Variants in WWC1 observed in about 807,000 individuals in gnomAD.
The protein encoded by WWC1 is WW and C2 domain containing 1, also known as protein KIBRA.
Under a neutral mutation model 138.4 loss-of-function variants are expected in WWC1, and 55 were observed. That is an observed-to-expected ratio of 0.40 (90% CI 0.32 to 0.50). The LOEUF (loss-of-function observed/expected upper bound fraction) is 0.50, where lower values mean the gene tolerates loss of function less well. Among genes scored for constraint, WWC1 ranks in the 20% least tolerant of loss-of-function variants. The pLI is 0.72. For synonymous variants in WWC1, 524 were observed against 564.9 expected, an observed-to-expected ratio of 0.93 and a Z score of 1.03; for missense variants, 1,226 against 1,420.4, an observed-to-expected ratio of 0.86 and a Z score of 2.20.
chr5:168,348,822 C>G (rs1302545812), intron 1 of WWC1, among the ~76,000 whole-genome samples: 1 of 152,088 alleles, frequency 6.6e-6, no homozygotes, highest in Non-Finnish European at 1.5e-5. Context: ...AGCCTGGGAT[C>G]TTTGCTTGAG....
At chr5:168,400,425 AC>A (rs1669691813) in intron 5 of WWC1, among the ~76,000 whole-genome samples, 1 of 152,212 alleles carries the variant, frequency 6.6e-6, no homozygotes, top group Non-Finnish European at 1.5e-5. Flanking sequence ...AAGTGAGAAC[AC>A]GCAGTAGCTT....
chr5:168,305,941 AT>A (rs1770521193), intron 1 of WWC1, among the ~76,000 whole-genome samples: 1 of 152,194 alleles, frequency 6.6e-6, no homozygotes, highest in Admixed American at 6.5e-5. Context: ...CCTTACAAAC[AT>A]TTGTAGAGTT....
intron 1 of WWC1, among the ~76,000 whole-genome samples, chr5:168,329,169 A>G (rs1772825398): frequency 1.3e-5 from 2 of 152,136 alleles, no homozygotes; most frequent in Admixed American, 1.3e-4. Flanking sequence ...CTTCCAGGAG[A>G]CCACTTGATT....
chr5:168,385,472 A>G, intron 3 of WWC1, 58 bp downstream of exon 3: 5 of 1,551,520 alleles, frequency 3.2e-6, no homozygotes, highest in Non-Finnish European at 4.4e-6. Flanking sequence ...GGCCACACTG[A>G]GTTCTGCCAA....
chr5:168,378,831 A>T (rs1000283929), intron 2 of WWC1, among the ~76,000 whole-genome samples: 2 of 152,246 alleles, frequency 1.3e-5, no homozygotes, highest in Admixed American at 1.3e-4. Context: ...CATAGTAACA[A>T]GGTTGAATAT....
intron 2 of WWC1, among the ~76,000 whole-genome samples, chr5:168,383,948 A>T (rs886912418): frequency 2.0e-5 from 3 of 152,238 alleles, no homozygotes; most frequent in Non-Finnish European, 4.4e-5. Flanking sequence ...TTTGTAAAAA[A>T]TAAAATATCC....
intron 1 of WWC1, among the ~76,000 whole-genome samples, chr5:168,368,343 A>C (rs996181339): frequency 6.6e-6 from 1 of 152,220 alleles, no homozygotes; most frequent in African/African-American, 2.4e-5. Flanking sequence ...CAATTATGCC[A>C]GACACAGGAT....
Position 168,469,310 on chromosome 5 carries a change from G to C in WWC1, c.*293G>C. 1 of 397,840 alleles carries C rather than the reference G, an allele frequency of 2.5e-6. No individual in the cohort carries two copies. Among genetic ancestry groups the C allele is most frequent in the Admixed American group, 3.9e-5 (1 of 25,442 alleles). 24.6% of individuals were successfully genotyped at this position (397,840 alleles called of 1,614,324 possible). A position where few individuals can be genotyped will look rare whatever the true frequency, so the allele number is the denominator to read the frequency against. On this transcript the variant is annotated 3_prime_UTR_variant, in exon 23 of 23. Coordinates refer to ENST00000265293, the MANE Select transcript of WWC1 (RefSeq NM_015238.3). ...TATTTTTGGGAAAGAAAATTTAAAT[G>C]AACTAAAGCAGTATTGAGTTGCTGC...
intron 10 of WWC1, among the ~76,000 whole-genome samples, chr5:168,423,286 A>G (rs79151761): frequency 8.1e-4 from 123 of 152,274 alleles, no homozygotes; most frequent in African/African-American, 2.8e-3. Context: ...TGGGAAACAC[A>G]GATTTAGAGG....
At chr5:168,352,275 C>A (rs1414086533) in intron 1 of WWC1, among the ~76,000 whole-genome samples, 1 of 152,152 alleles carries the variant, frequency 6.6e-6, no homozygotes, top group Non-Finnish European at 1.5e-5. Flanking sequence ...AAAGTGAGAA[C>A]CACTTAGTAT....
intron 2 of WWC1, among the ~76,000 whole-genome samples, chr5:168,375,491 G>T (rs1002002388): frequency 6.6e-6 from 1 of 152,204 alleles, no homozygotes; most frequent in African/African-American, 2.4e-5. Context: ...GCAAAAGCCT[G>T]ACTAGAGTGA....
intron 1 of WWC1, among the ~76,000 whole-genome samples, chr5:168,307,780 A>C (rs748294519): frequency 6.6e-6 from 1 of 151,478 alleles, no homozygotes; most frequent in Admixed American, 6.6e-5. Flanking sequence ...AATTTTTTGT[A>C]TTTTTAGTAG....
intron 1 of WWC1, among the ~76,000 whole-genome samples, chr5:168,327,004 A>G (rs1772620603): frequency 1.3e-5 from 2 of 152,280 alleles, no homozygotes; most frequent in South Asian, 4.1e-4. Context: ...GGCCATATGC[A>G]GGCCAGTGTC....
intron 5 of WWC1, among the ~76,000 whole-genome samples, chr5:168,404,956 T>G (rs947714160): frequency 6.6e-6 from 1 of 151,016 alleles, no homozygotes; most frequent in Non-Finnish European, 1.5e-5. Flanking sequence ...GATAAGCCAA[T>G]AAGCTCTCCA....
intron 1 of WWC1, among the ~76,000 whole-genome samples, chr5:168,367,604 C>T (rs966692474): frequency 6.6e-6 from 1 of 152,172 alleles, no homozygotes; most frequent in Non-Finnish European, 1.5e-5. Context: ...CAGGCATGAG[C>T]CACTGCGCCT....
intron 5 of WWC1, among the ~76,000 whole-genome samples, chr5:168,404,252 C>G (rs1380321916): frequency 1.3e-5 from 2 of 152,248 alleles, no homozygotes; most frequent in Non-Finnish European, 2.9e-5. Context: ...AGCCCCTATG[C>G]CCATCTGCAG....
chr5:168,407,079 A>G (rs978781982), intron 6 of WWC1, among the ~76,000 whole-genome samples: 2 of 152,168 alleles, frequency 1.3e-5, no homozygotes, highest in Non-Finnish European at 2.9e-5. Flanking sequence ...GGCTTGAGCC[A>G]GCGCACCTGG....
intron 6 of WWC1, among the ~76,000 whole-genome samples, 185 bp from the exon 7 acceptor site, chr5:168,408,322 C>T (rs1201615331): frequency 6.6e-6 from 1 of 151,046 alleles, no homozygotes; most frequent in Non-Finnish European, 1.5e-5. Flanking sequence ...AGGCCCAGCG[C>T]AGAGCCTGGC....
intron 1 of WWC1, among the ~76,000 whole-genome samples, chr5:168,365,335 C>T (rs1018543588): frequency 6.6e-6 from 1 of 152,128 alleles, no homozygotes; most frequent in African/African-American, 2.4e-5. Flanking sequence ...AGTGATCCCG[C>T]CCAGCCAGCC....
Sources: allele counts gnomAD v4.1 joint callset (sites outside exome capture counted in the v4.1 genomes callset), GRCh38; gene constraint gnomAD v4.1.1; transcripts MANE v1.5; gene names NCBI Gene and HGNC (gene_info 2026-07-23, HGNC 2026-07-21).